BCAS3: variants seen among roughly 807,000 people sequenced by gnomAD.
BCAS3 encodes BCAS3 microtubule associated cell migration factor.
A neutral mutation model predicts 116.1 loss-of-function variants in BCAS3; 53 were observed. That is an observed-to-expected ratio of 0.46 (90% CI 0.37 to 0.57). BCAS3 has a LOEUF of 0.57. Among genes scored for constraint, BCAS3 ranks in the 20% least tolerant of loss-of-function variants. BCAS3 has a pLI of 0.00. For synonymous variants in BCAS3, 391 were observed against 408.2 expected (o/e 0.96, Z 0.51); for missense variants, 917 against 1,165.4 (o/e 0.79, Z 3.10).
At chr17:61,155,070 C>T (rs537840770) in intron 22 of BCAS3, among the ~76,000 whole-genome samples, 1 of 152,068 alleles carries the variant, frequency 6.6e-6, no homozygotes, top group Admixed American at 6.6e-5. Context: ...TGTCAGGCAT[C>T]GTGGAAGGCT....
chr17:61,112,808 C>G (rs1189769029), intron 22 of BCAS3, among the ~76,000 whole-genome samples: 1 of 151,814 alleles, frequency 6.6e-6, no homozygotes, highest in Non-Finnish European at 1.5e-5. Context: ...CACACCACAC[C>G]TATTCCAAAA....
chr17:61,386,259 C>T lies in BCAS3; in HGVS notation c.2594-5718C>T, dbSNP rs575434416. On this transcript the variant is annotated intron_variant, in intron 23 of 23. Transcript: ENST00000407086. ...GTGTGCTCTTAACCACTTCCCTAAA[C>T]GCCTCCACCAACATGGGCAGACACT... is the stretch of plus-strand genomic sequence containing the variant. Among the ~76,000 whole-genome samples the T allele has an allele frequency of 1.2e-4, 18 of 152,320 alleles. 1 individual carries two copies. The highest frequency in any genetic ancestry group is 1.9e-4 in the Non-Finnish European group (13 of 68,028).
intron 13 of BCAS3, 148 bp from the exon 14 acceptor site, chr17:60,947,071 T>C: frequency 2.7e-6 from 2 of 733,662 alleles, no homozygotes; most frequent in Non-Finnish European, 4.3e-6. Context: ...GAAAAAGATA[T>C]TTTATTTTTT....
At chr17:61,018,307 T>G (rs1365834155) in intron 16 of BCAS3, among the ~76,000 whole-genome samples, 4 of 141,076 alleles carry the variant, frequency 2.8e-5, no homozygotes, top group East Asian at 4.1e-4. Flanking sequence ...TTTTTTTTTT[T>G]TTTTTTTTTT....
chr17:61,368,039 T>G lies in BCAS3; in HGVS notation c.2426-288T>G, dbSNP rs1161736385. 2 of 288,280 alleles carry G rather than the reference T, an allele frequency of 6.9e-6. No homozygotes were observed. The highest frequency in any genetic ancestry group is 1.3e-5 in the Non-Finnish European group (2 of 155,520). 17.9% of individuals were successfully genotyped at this position (288,280 alleles called of 1,614,324 possible). ...CCTGGGAAGGGGGTTGCCTTCCCCG[T>G]CCCACTTCTTAAGGTGGTCCCTGAA... On this transcript the variant is annotated intron_variant, in intron 22 of 23. Transcript: ENST00000407086. The surrounding 1 kb of genome is among the most constrained non-coding windows in gnomAD (Gnocchi z 6.0).
chr17:61,246,686 C>T (rs1602165149), intron 22 of BCAS3, among the ~76,000 whole-genome samples: 1 of 151,996 alleles, frequency 6.6e-6, no homozygotes, highest in Middle Eastern at 3.4e-3. Context: ...AGAGAATTTC[C>T]TTTTCTTTAT....
intron 3 of BCAS3, among the ~76,000 whole-genome samples, chr17:60,689,454 G>T (rs2034523572): frequency 6.6e-6 from 1 of 152,184 alleles, no homozygotes; most frequent in South Asian, 2.1e-4. Context: ...GAGATTACAG[G>T]TGCCTAGCCT....
At chr17:60,894,236 G>A (rs1271703793) in intron 10 of BCAS3, among the ~76,000 whole-genome samples, 3 of 151,568 alleles carry the variant, frequency 2.0e-5, no homozygotes, top group Non-Finnish European at 4.4e-5. Flanking sequence ...TCCATTTGTT[G>A]GTGTTTACAA....
intron 19 of BCAS3, among the ~76,000 whole-genome samples, chr17:61,052,715 C>CTTTCTTT (rs781028474): frequency 1.6e-4 from 20 of 124,982 alleles, no homozygotes; most frequent in African/African-American, 5.4e-4. Context: ...TTCTTTCTTT[C>CTTTCTTT]TTTTTTTTTT....
At chr17:60,702,246 C>T (rs61346217) in intron 4 of BCAS3, among the ~76,000 whole-genome samples, 10,657 of 152,240 alleles carry the variant, frequency 0.07, 1,243 homozygotes, top group African/African-American at 0.24. Context: ...GCCGCTGTTG[C>T]AGGGAGCTCA....
rs940758209 is a variant in BCAS3 at position 61,083,774 on chromosome 17, T to C, written c.2328-693T>C. On this transcript the variant is annotated intron_variant, in intron 21 of 23. Transcript: ENST00000407086. This position sits in a 1 kb window ranked among gnomAD's most constrained non-coding sequence, Gnocchi z 4.9. ...CCACACCCGGCTAATTTTTGCATTT[T>C]TAGTAGAGACGGGGCTTCACCGTGT... Among the ~76,000 whole-genome samples, 9 of 152,214 alleles carry C rather than the reference T, an allele frequency of 5.9e-5. No homozygotes were observed. The highest frequency in any genetic ancestry group is 2.2e-4 in the African/African-American group (9 of 41,526).
At chr17:61,331,797 G>T (rs2056314385) in intron 22 of BCAS3, among the ~76,000 whole-genome samples, 1 of 152,192 alleles carries the variant, frequency 6.6e-6, no homozygotes, top group Admixed American at 6.5e-5. Flanking sequence ...CTCCAGTCGA[G>T]CGTGGCTTCT....
intron 13 of BCAS3, among the ~76,000 whole-genome samples, chr17:60,933,860 G>C (rs1271323856): frequency 6.6e-6 from 1 of 152,102 alleles, no homozygotes; most frequent in African/African-American, 2.4e-5. Flanking sequence ...TTTTTCATTA[G>C]AAGAGGATGT....
At position 60,960,864 on chromosome 17, in the gene BCAS3, G is replaced by A. The variant is rs1842868218; in HGVS notation, c.1221+13512G>A. Among the ~76,000 whole-genome samples the A allele has an allele frequency of 6.6e-6, 1 of 150,552 alleles. No homozygotes were observed. Among genetic ancestry groups the A allele is most frequent in the African/African-American group, 2.5e-5 (1 of 40,792 alleles). Reference sequence around the variant, plus strand: ...CAGATACTACATTCTCAAAAACCTTGTGTATCTCCTGTGTATGTCATGGGG... The same window carrying A: ...CAGATACTACATTCTCAAAAACCTTATGTATCTCCTGTGTATGTCATGGGG... On this transcript the variant is annotated intron_variant, in intron 14 of 23. Coordinates refer to ENST00000407086, the MANE Select transcript of BCAS3 (RefSeq NM_017679.5). The surrounding 1 kb of genome is among the most constrained non-coding windows in gnomAD (Gnocchi z 4.1).
chr17:60,929,752 A>G (rs932552054), intron 13 of BCAS3, among the ~76,000 whole-genome samples: 6 of 117,470 alleles, frequency 5.1e-5, no homozygotes, highest in African/African-American at 1.7e-4. Context: ...CCAGAGTGTG[A>G]TGTTCCCCTT....
chr17:60,918,097 A>G (rs551205591), intron 12 of BCAS3, among the ~76,000 whole-genome samples: 3 of 152,310 alleles, frequency 2.0e-5, no homozygotes, highest in Admixed American at 6.5e-5. Flanking sequence ...TGAACGTCCA[A>G]TGATGGATAA....
At position 61,377,316 on chromosome 17, in the gene BCAS3, A is replaced by T. The variant is rs932576307; in HGVS notation, c.2593+8822A>T. Among the ~76,000 whole-genome samples the T allele has an allele frequency of 3.3e-5, 5 of 152,214 alleles. No individual in the cohort carries two copies. Among genetic ancestry groups the T allele is most frequent in the Non-Finnish European group, 5.9e-5 (4 of 68,032 alleles). On this transcript the variant is annotated intron_variant, in intron 23 of 23. Transcript: ENST00000407086. The surrounding 1 kb of genome is among the most constrained non-coding windows in gnomAD (Gnocchi z 4.6). ...CGGGACAAGAGGGAGCAGCTGCGCC[A>T]GCGAGACTGTGGGACAGCCGGTGGC... is the stretch of plus-strand genomic sequence containing the variant.
chr17:61,143,483 T>C (rs4968427), intron 22 of BCAS3, among the ~76,000 whole-genome samples: 97,646 of 152,212 alleles, frequency 0.64, 37,537 homozygotes, highest in South Asian at 0.92. Context: ...AAATTTTTCT[T>C]TGGTCAGGAC....
chr17:61,392,188 G>A lies in BCAS3; in HGVS notation c.*63G>A, dbSNP rs1277837031. ...CCTGCTGGAGGAGGGGAGAAGCCCC[G>A]CTCTGGTCCTACCCTTCAGTCTCTG... is the stretch of plus-strand genomic sequence containing the variant. On this transcript the variant is annotated 3_prime_UTR_variant, in exon 24 of 24. Transcript: ENST00000407086. This position sits in a 1 kb window ranked among gnomAD's most constrained non-coding sequence, Gnocchi z 6.4. The A allele has an allele frequency of 5.1e-6, 8 of 1,553,918 alleles. No homozygotes were observed. The highest frequency in any genetic ancestry group is 2.3e-5 in the South Asian group (2 of 85,236).
Sources: gnomAD v4.1 joint callset for allele counts (sites outside exome capture counted in the v4.1 genomes callset) on GRCh38, gnomAD v4.1.1 for gene constraint, Gnocchi (gnomAD v3.1) non-coding constraint, MANE v1.5 for transcripts, NCBI Gene and HGNC (gene_info 2026-07-23, HGNC 2026-07-21) for gene names.